The following TBC1D13 variants were observed in gnomAD, a reference collection of about 807,000 sequenced individuals.
TBC1D13 encodes epididymis secretory sperm binding protein.
A neutral mutation model predicts 53.6 loss-of-function variants in TBC1D13; 40 were observed. The observed-to-expected ratio is 0.75, with a 90% CI of 0.58 to 0.97. The LOEUF is 0.97. Among genes scored for constraint, TBC1D13 ranks in the 50% least tolerant of loss-of-function variants. The pLI is 0.00. For synonymous variants in TBC1D13, 182 were observed against 197.7 expected, an observed-to-expected ratio of 0.92 and a Z score of 0.67; for missense variants, 377 against 499.4, an observed-to-expected ratio of 0.75 and a Z score of 2.34.
chr9:128,794,459 C>T (rs1829591544), intron 6 of TBC1D13, among the ~76,000 whole-genome samples: 1 of 151,978 alleles, frequency 6.6e-6, no homozygotes, highest in Middle Eastern at 3.2e-3. Context: ...TTTTTGTTTT[C>T]TGTTTTTTTT....
chr9:128,791,799 G>A, intron 5 of TBC1D13, 106 bp downstream of exon 5: 1 of 943,876 alleles, frequency 1.1e-6, no homozygotes, highest in South Asian at 1.4e-5. Flanking sequence ...GCAGTCTGGT[G>A]TCAGTCCCCT....
intron 10 of TBC1D13, 37 bp downstream of exon 10, chr9:128,806,056 G>A: frequency 1.9e-6 from 3 of 1,605,378 alleles, no homozygotes; most frequent in Non-Finnish European, 2.6e-6. Flanking sequence ...GCTCACCTGG[G>A]CAGTCCTTGG....
intron 11 of TBC1D13, 135 bp from the exon 12 acceptor site, chr9:128,807,679 G>T: frequency 1.2e-6 from 1 of 856,606 alleles, no homozygotes; most frequent in Non-Finnish European, 2.0e-6. Flanking sequence ...TGGGGAGTGT[G>T]GGATGCCTGG....
In TBC1D13 at chr9:128,804,083, C is replaced by T. The variant is rs1829784496; in HGVS notation, c.882C>T (p.Thr294=). The stretch of plus-strand genomic sequence containing the variant: ...ACAAGATGGAGAAGGTTTACTCCAC[C>T]TTGAAAGATAAGGATGTGGAGCTCT... ...ITYKMEKVYS[T]LKDKDVELYL... is the part of the protein sequence containing the mutation. The change falls in exon 9 of 12, where the codon ACC becomes ACT. Residue 294 remains threonine (T), a synonymous_variant. Coordinates refer to ENST00000372648, the MANE Select transcript of TBC1D13 (RefSeq NM_018201.5). The T allele has an allele frequency of 1.2e-6, 2 of 1,613,958 alleles. No individual in the cohort carries two copies. Among genetic ancestry groups the T allele is most frequent in the African/African-American group, 1.3e-5 (1 of 74,932 alleles).
intron 7 of TBC1D13, among the ~76,000 whole-genome samples, chr9:128,802,388 C>T (rs1332009803): frequency 1.3e-5 from 2 of 152,130 alleles, no homozygotes; most frequent in Non-Finnish European, 2.9e-5. Context: ...TGAAATGTAA[C>T]TTACGTGCAA....
intron 7 of TBC1D13, among the ~76,000 whole-genome samples, chr9:128,801,205 T>C (rs779425513): frequency 6.6e-5 from 10 of 151,334 alleles, no homozygotes; most frequent in Non-Finnish European, 7.4e-5. Context: ...CTACTTACCA[T>C]TAGCACATCT....
chr9:128,792,617 C>G, intron 6 of TBC1D13, 43 bp downstream of exon 6: 1 of 1,551,904 alleles, frequency 6.4e-7, no homozygotes, highest in South Asian at 1.1e-5. Flanking sequence ...CATGGGACTT[C>G]TGGGGCTCTC....
chr9:128,806,403 G>A (rs948164555), intron 11 of TBC1D13, 92 bp downstream of exon 11: 4 of 1,477,802 alleles, frequency 2.7e-6, no homozygotes, highest in Non-Finnish European at 3.8e-6. Context: ...AGGCTGGGCA[G>A]GGGCAGCGGA....
chr9:128,804,247 A>G, intron 9 of TBC1D13, 128 bp downstream of exon 9: 1 of 1,113,078 alleles, frequency 9.0e-7, no homozygotes, highest in Non-Finnish European at 1.3e-6. Context: ...GCTGCCCGGG[A>G]CGCTGACCCA....
At chr9:128,796,530 C>A (rs1014332607) in intron 6 of TBC1D13, among the ~76,000 whole-genome samples, 1 of 151,964 alleles carries the variant, frequency 6.6e-6, no homozygotes, top group East Asian at 1.9e-4. Context: ...GGATTATAGG[C>A]GTGAGCCACC....
intron 8 of TBC1D13, 129 bp downstream of exon 8, chr9:128,803,589 C>A: frequency 1.2e-6 from 1 of 831,626 alleles, no homozygotes; most frequent in Admixed American, 2.3e-5. Flanking sequence ...CTCTGAGATC[C>A]TTTGCAGCTG....
intron 2 of TBC1D13, among the ~76,000 whole-genome samples, chr9:128,789,559 C>T (rs568408738): frequency 1.7e-3 from 254 of 151,808 alleles, no homozygotes; most frequent in African/African-American, 4.7e-3. Flanking sequence ...TTCCTTCTTA[C>T]GACAATTACG....
At chr9:128,787,630 T>G in intron 1 of TBC1D13, among the ~76,000 whole-genome samples, 1 of 144,810 alleles carries the variant, frequency 6.9e-6, no homozygotes, top group South Asian at 2.2e-4. Context: ...CCCCTGAGTC[T>G]TCCTCATCCA....
In TBC1D13 at chr9:128,807,986, G is replaced by A; in HGVS notation, c.*107G>A. ...GAACCCAGCCTGAGGGGAAGCCACA[G>A]GATCGGCCCGAGACCCAGGCCATGC... On this transcript the variant is annotated 3_prime_UTR_variant, in exon 12 of 12. Transcript: ENST00000372648. 1 of 1,108,360 alleles carries A rather than the reference G, an allele frequency of 9.0e-7. No homozygotes were observed. Among genetic ancestry groups the A allele is most frequent in the South Asian group, 1.3e-5 (1 of 77,220 alleles). 68.7% of individuals were successfully genotyped at this position (1,108,360 alleles called of 1,614,324 possible). A position where few individuals can be genotyped will look rare whatever the true frequency, so the allele number is the denominator to read the frequency against.
chr9:128,804,223 T>C, intron 9 of TBC1D13, 104 bp downstream of exon 9: 1 of 1,329,408 alleles, frequency 7.5e-7, no homozygotes, highest in Non-Finnish European at 1.0e-6. Context: ...GGGTCAGAAG[T>C]AGCTGCTGCT....
At chr9:128,791,049 G>A (rs1829523607) in intron 3 of TBC1D13, among the ~76,000 whole-genome samples, 1 of 152,248 alleles carries the variant, frequency 6.6e-6, no homozygotes, top group African/African-American at 2.4e-5. Context: ...CAAAACAAAG[G>A]CTGTGCTTTG....
At position 128,797,200 on chromosome 9, in the gene TBC1D13, A is replaced by T. The variant is rs1829646752; in HGVS notation, c.529A>T (p.Ser177Cys). 1.9e-6 allele frequency: 3 copies of T among 1,614,006 alleles called. No homozygotes were observed. Among genetic ancestry groups the T allele is most frequent in the Non-Finnish European group, 2.5e-6 (3 of 1,179,956 alleles). The change falls in exon 7 of 12, where the codon AGT (serine) becomes TGT (cysteine). Residue 177 changes from serine (S) to cysteine (C), a missense_variant. Ser to Cys is a moderately radical substitution (Grantham distance 112, BLOSUM62 -1). Transcript: ENST00000372648. ...LKSQTVARNR[S>C]GVTNMSSPHK... Reference sequence around the variant, plus strand: ...ATCTCAGACGGTGGCCCGGAACCGGAGTGGGGTCACAAATGTGAGTGCCAA... The same window carrying T: ...ATCTCAGACGGTGGCCCGGAACCGGTGTGGGGTCACAAATGTGAGTGCCAA...
At chr9:128,791,066 G>C (rs1454284058) in intron 3 of TBC1D13, among the ~76,000 whole-genome samples, 8 of 152,194 alleles carry the variant, frequency 5.3e-5, no homozygotes, top group African/African-American at 1.7e-4. Context: ...TTTGCCCAAA[G>C]CTCCCAGCTC....
intron 9 of TBC1D13, among the ~76,000 whole-genome samples, chr9:128,805,039 AATG>A (rs1829807699): frequency 1.3e-5 from 2 of 152,246 alleles, no homozygotes; most frequent in South Asian, 2.1e-4. Context: ...GGCCAGGAAT[AATG>A]ATATCTTTTT....
Sources: gnomAD v4.1 joint callset for allele counts (sites outside exome capture counted in the v4.1 genomes callset) on GRCh38, gnomAD v4.1.1 for gene constraint, MANE v1.5 for transcripts, NCBI Gene and HGNC (gene_info 2026-07-23, HGNC 2026-07-21) for gene names.